FARS2: variants seen among roughly 807,000 people sequenced by gnomAD.
FARS2 encodes phenylalanyl-tRNA synthetase 2, mitochondrial.
In FARS2, 40 loss-of-function variants were observed where a neutral mutation model predicts 46.4. The observed-to-expected ratio is 0.86, with a 90% confidence interval of 0.67 to 1.12. FARS2 has a LOEUF of 1.12. FARS2 is among the 50% of genes most tolerant of loss of function. FARS2 has a pLI of 0.00. For missense variants in FARS2, 513 were observed against 567.9 expected, an observed-to-expected ratio of 0.90 and a Z score of 0.98; for synonymous variants, 234 against 214.9, an observed-to-expected ratio of 1.09 and a Z score of -0.78.
Position 5,765,789 on chromosome 6 carries a change from C to T in FARS2, c.1218-5502C>T, listed in dbSNP as rs943867029. Among the ~76,000 whole-genome samples the T allele has an allele frequency of 5.9e-5, 9 of 152,130 alleles. No individual in the cohort carries two copies. Among genetic ancestry groups the T allele is most frequent in the Non-Finnish European group, 1.2e-4 (8 of 68,026 alleles). ...AGGACCTCAGCAGGCTGCTAACTCC[C>T]GGATGTGAGCTGGTTGAGGGCAGAT... On this transcript the variant is annotated intron_variant, in intron 6 of 6. Transcript: ENST00000274680. This position sits in a 1 kb window ranked among gnomAD's most constrained non-coding sequence, Gnocchi z 4.0.
intron 4 of FARS2, among the ~76,000 whole-genome samples, chr6:5,503,759 C>A (rs2150387128): frequency 6.6e-6 from 1 of 151,984 alleles, no homozygotes; most frequent in East Asian, 1.9e-4. Flanking sequence ...AGATTTTTTT[C>A]AATACTGAAG....
chr6:5,306,631 C>T (rs1768721526), intron 1 of FARS2, among the ~76,000 whole-genome samples: 1 of 152,138 alleles, frequency 6.6e-6, no homozygotes, highest in African/African-American at 2.4e-5. Context: ...TGTTTAAGCC[C>T]CTTCACATTC....
At chr6:5,323,422 C>T (rs926458192) in intron 1 of FARS2, among the ~76,000 whole-genome samples, 1 of 152,126 alleles carries the variant, frequency 6.6e-6, no homozygotes, top group African/African-American at 2.4e-5. Flanking sequence ...GAGGGTTGGC[C>T]TTAGGAAGCC....
chr6:5,540,452 T>C (rs1435013341), intron 4 of FARS2, among the ~76,000 whole-genome samples: 1 of 152,204 alleles, frequency 6.6e-6, no homozygotes, highest in African/African-American at 2.4e-5. Context: ...CTCCCAACCC[T>C]TAATTGTGAA....
chr6:5,488,968 A>G (rs9392082), intron 4 of FARS2, among the ~76,000 whole-genome samples: 30,831 of 152,168 alleles, frequency 0.2, 3,295 homozygotes, highest in East Asian at 0.37. Context: ...GGTCTATAGC[A>G]GTGAATAAAA....
intron 3 of FARS2, among the ~76,000 whole-genome samples, chr6:5,425,490 G>A (rs1762796155): frequency 6.6e-6 from 1 of 152,002 alleles, no homozygotes; most frequent in African/African-American, 2.4e-5. Flanking sequence ...GGCCCTTCAG[G>A]GATTGGTGGG....
intron 2 of FARS2, among the ~76,000 whole-genome samples, chr6:5,389,153 T>TA (rs35967844): frequency 0.21 from 32,613 of 152,092 alleles, 3,729 homozygotes; most frequent in East Asian, 0.47. Context: ...ATGAAACAGT[T>TA]AAAAAATATC....
chr6:5,650,931 CCA>C (rs1471902930), intron 6 of FARS2, among the ~76,000 whole-genome samples: 15 of 152,314 alleles, frequency 9.8e-5, no homozygotes, highest in Admixed American at 9.8e-4. Flanking sequence ...TTGCGAGCTT[CCA>C]CCAATTATTC....
At chr6:5,272,025 G>A (rs1423855962) in intron 1 of FARS2, among the ~76,000 whole-genome samples, 1 of 152,178 alleles carries the variant, frequency 6.6e-6, no homozygotes, top group East Asian at 1.9e-4. Flanking sequence ...ATGTAATGGA[G>A]AATTCCAGAA....
At chr6:5,322,302 TAAAA>T (rs1473986673) in intron 1 of FARS2, among the ~76,000 whole-genome samples, 1 of 152,242 alleles carries the variant, frequency 6.6e-6, no homozygotes, top group African/African-American at 2.4e-5. Flanking sequence ...ACTGGATAGT[TAAAA>T]AAGTTAGATT....
At chr6:5,626,737 A>C (rs1268116652) in intron 6 of FARS2, among the ~76,000 whole-genome samples, 1 of 152,240 alleles carries the variant, frequency 6.6e-6, no homozygotes, top group Non-Finnish European at 1.5e-5. Context: ...ACAAAATTCC[A>C]GTTACCTAAT....
rs865932588 is a variant in FARS2 at position 5,505,733 on chromosome 6, T to C, written c.905-39447T>C. Among the ~76,000 whole-genome samples, 8 of 152,296 alleles carry C rather than the reference T, an allele frequency of 5.3e-5. No homozygotes were observed. In the South Asian group the frequency reaches 1.7e-3, roughly 32 times the overall value. On this transcript the variant is annotated intron_variant, in intron 4 of 6. Transcript: ENST00000274680. ...ATTGAACAATCATGTTTCTCAACTT[T>C]GCACTTGAGGAGCAGAGGTAGCCAG...
At chr6:5,390,119 C>T (rs937085754) in intron 2 of FARS2, among the ~76,000 whole-genome samples, 1 of 152,154 alleles carries the variant, frequency 6.6e-6, no homozygotes, top group Admixed American at 6.5e-5. Flanking sequence ...CCATGTCGGC[C>T]TCCCAAAGTG....
At chr6:5,724,635 G>A (rs998621812) in intron 6 of FARS2, among the ~76,000 whole-genome samples, 5 of 152,216 alleles carry the variant, frequency 3.3e-5, no homozygotes, top group Admixed American at 6.5e-5. Flanking sequence ...GGGGCCAGCC[G>A]AGGCTAAGAC....
At chr6:5,504,065 G>A (rs935236990) in intron 4 of FARS2, among the ~76,000 whole-genome samples, 9 of 152,144 alleles carry the variant, frequency 5.9e-5, no homozygotes, top group African/African-American at 4.8e-5. Context: ...AGATATTGCC[G>A]TATTTCCTCA....
chr6:5,551,529 T>G (rs1771373242), intron 5 of FARS2, among the ~76,000 whole-genome samples: 2 of 152,218 alleles, frequency 1.3e-5, no homozygotes, highest in Admixed American at 1.3e-4. Flanking sequence ...TTCCACATTT[T>G]TATGTATTTG....
At chr6:5,658,970 T>C (rs1299482771) in intron 6 of FARS2, among the ~76,000 whole-genome samples, 1 of 152,264 alleles carries the variant, frequency 6.6e-6, no homozygotes, top group Non-Finnish European at 1.5e-5. Context: ...CCCTGCGTTT[T>C]ACAATTGTTC....
chr6:5,546,818 C>A (rs2150505796), intron 5 of FARS2, among the ~76,000 whole-genome samples: 1 of 151,670 alleles, frequency 6.6e-6, no homozygotes, highest in Admixed American at 6.6e-5. Context: ...TTTATCAATT[C>A]TAGAATTTGC....
chr6:5,609,723 G>C, intron 5 of FARS2: 1 of 1,494,584 alleles, frequency 6.7e-7, no homozygotes, highest in Non-Finnish European at 9.2e-7. Context: ...ACGGAGTCAT[G>C]GTCGTCAAAA....
Sources: gnomAD v4.1 joint callset for allele counts (sites outside exome capture counted in the v4.1 genomes callset) on GRCh38, gnomAD v4.1.1 for gene constraint, Gnocchi (gnomAD v3.1) non-coding constraint, MANE v1.5 for transcripts, NCBI Gene and HGNC (gene_info 2026-07-23, HGNC 2026-07-21) for gene names.